Variants in PPP1R8 observed in about 807,000 individuals in gnomAD.
PPP1R8 encodes the protein nuclear inhibitor of protein phosphatase 1.
A neutral mutation model predicts 31.3 loss-of-function variants in PPP1R8; 4 were observed. That is an observed-to-expected ratio of 0.13 (90% confidence interval 0.06 to 0.29). PPP1R8 has a LOEUF of 0.29. Among genes scored for constraint, PPP1R8 ranks in the 10% least tolerant of loss-of-function variants. The probability of loss-of-function intolerance (pLI) is 1.00; values close to 1 mark genes in which losing one functional copy is unlikely to be tolerated. For synonymous variants in PPP1R8, 170 were observed against 169.7 expected, an observed-to-expected ratio of 1.00 and a Z score of -0.01; for missense variants, 254 against 440.1, an observed-to-expected ratio of 0.58 and a Z score of 3.78.
At chr1:27,836,790 G>C (rs2089170805) in intron 2 of PPP1R8, among the ~76,000 whole-genome samples, 2 of 152,058 alleles carry the variant, frequency 1.3e-5, no homozygotes, top group Admixed American at 6.5e-5. Context: ...CCAGCACTTT[G>C]GGAGGTTGAG....
At position 27,846,901 on chromosome 1, in the gene PPP1R8, A is replaced by G. The variant is rs546051356; in HGVS notation, c.638-127A>G. On this transcript the variant is annotated intron_variant, in intron 5 of 6. Coordinates refer to ENST00000311772, the MANE Select transcript of PPP1R8 (RefSeq NM_014110.5). ...GGATTTAGCACAATGCCCAGCACCCAGGAAGCACTCTCTGTGTTTTACAAT... is the reference window on the plus strand; with the variant it reads ...GGATTTAGCACAATGCCCAGCACCCGGGAAGCACTCTCTGTGTTTTACAAT... 7 of 773,522 alleles carry G rather than the reference A, an allele frequency of 9.0e-6. No homozygotes were observed. In the African/African-American group the frequency reaches 1.2e-4, roughly 13 times the overall value. 47.9% of individuals were successfully genotyped at this position (773,522 alleles called of 1,614,324 possible).
At position 27,841,040 on chromosome 1, in the gene PPP1R8, C is replaced by T; in HGVS notation, c.298C>T (p.Arg100Trp). 1.2e-6 allele frequency: 2 copies of T among 1,614,118 alleles called. No homozygotes were observed. The highest frequency in any genetic ancestry group is 1.7e-6 in the Non-Finnish European group (2 of 1,180,034). The change falls in exon 4 of 7, where the codon CGG becomes TGG. Residue 100 changes from arginine to tryptophan, a missense_variant. By Grantham distance (101) the Arg-to-Trp change is moderately radical. Transcript: ENST00000311772. ...STHGTFLGHI[R>W]LEPHKPQQIP... ...ACACGGCACTTTCTTGGGTCACATT[C>T]GGTTGGAACCTCACAAGCCTCAGCA...
Position 27,838,751 on chromosome 1 carries a change from T to C in PPP1R8, c.170T>C (p.Leu57Ser). 6.2e-7 allele frequency: 1 copy of C among 1,608,092 alleles called. No individual in the cohort carries two copies. The highest frequency in any genetic ancestry group is 8.5e-7 in the Non-Finnish European group (1 of 1,175,640). Residue 57 changes from leucine to serine, a missense_variant, in exon 3 of 7, where the codon TTG becomes TCG. This residue lies in a region of PPP1R8 where 52 missense variants were observed against 145.3 expected (regional missense o/e 0.36). Coordinates refer to ENST00000311772, the MANE Select transcript of PPP1R8 (RefSeq NM_014110.5). ...KYYLFGRNPD[L>S]CDFTIDHQSC... is the part of the protein sequence containing the mutation. ...TACTTATTTGGGAGAAACCCTGATT[T>C]GTGTGACTTTACCATTGACCACCAG...
intron 6 of PPP1R8, among the ~76,000 whole-genome samples, chr1:27,849,719 T>C (rs1027318386): frequency 3.3e-5 from 5 of 152,080 alleles, no homozygotes; most frequent in Non-Finnish European, 4.4e-5. Context: ...AAACTCCTGA[T>C]CTCATGTGTT....
intron 6 of PPP1R8, among the ~76,000 whole-genome samples, chr1:27,848,985 G>A (rs767573686): frequency 1.1e-4 from 17 of 152,114 alleles, no homozygotes; most frequent in Non-Finnish European, 1.9e-4. Context: ...AAGTTGCCTC[G>A]TAGCCCTTTG....
intron 2 of PPP1R8, among the ~76,000 whole-genome samples, chr1:27,834,957 G>T (rs1343668673): frequency 6.6e-6 from 1 of 152,164 alleles, no homozygotes; most frequent in Non-Finnish European, 1.5e-5. Flanking sequence ...GGCAGAGTTT[G>T]CAGTGAGTGG....
At chr1:27,837,740 AC>A (rs1233399881) in intron 2 of PPP1R8, among the ~76,000 whole-genome samples, 1 of 148,830 alleles carries the variant, frequency 6.7e-6, no homozygotes, top group Non-Finnish European at 1.5e-5. Context: ...GCACCACTGC[AC>A]TCCAGACTGG....
chr1:27,831,440 T>G, intron 1 of PPP1R8: 1 of 839,184 alleles, frequency 1.2e-6, no homozygotes, highest in Non-Finnish European at 1.4e-6. Context: ...ATGGTTGGCA[T>G]GAACCCTTTT....
At chr1:27,830,912 G>C in intron 1 of PPP1R8, 21 bp downstream of exon 1, 1 of 1,551,802 alleles carries the variant, frequency 6.4e-7, no homozygotes, top group Non-Finnish European at 8.7e-7. Context: ...GGGCGGCCAG[G>C]GCTAGAGTGG....
intron 2 of PPP1R8, among the ~76,000 whole-genome samples, chr1:27,835,648 C>T (rs1434338979): frequency 6.6e-6 from 1 of 152,170 alleles, no homozygotes; most frequent in Non-Finnish European, 1.5e-5. Context: ...AAGAGTGTGA[C>T]CCACAGTACT....
chr1:27,846,482 C>T (rs774720008), intron 5 of PPP1R8, among the ~76,000 whole-genome samples: 3 of 152,238 alleles, frequency 2.0e-5, no homozygotes, highest in South Asian at 2.1e-4. Context: ...CAGTTCAGGC[C>T]GTTCAAGTCA....
chr1:27,843,197 G>A lies in PPP1R8; in HGVS notation c.504G>A (p.Glu168=), dbSNP rs758618072. ...EEETELDNLT[E]FNTAHNKRIS... Reference sequence around the variant, plus strand: ...GAACCCTGGCTTAGAACCTGACAGAGTTCAACACTGCCCACAACAAGCGGA... The same window carrying A: ...GAACCCTGGCTTAGAACCTGACAGAATTCAACACTGCCCACAACAAGCGGA... The change falls in exon 5 of 7, where the codon GAG becomes GAA. Residue 168 remains glutamate, a synonymous_variant. Transcript: ENST00000311772. 2.5e-6 allele frequency: 4 copies of A among 1,614,120 alleles called. No homozygotes were observed. The Admixed American group carries it at 5.0e-5, about 20-fold the overall frequency.
At chr1:27,843,666 T>C (rs529107920) in intron 5 of PPP1R8, among the ~76,000 whole-genome samples, 1 of 149,128 alleles carries the variant, frequency 6.7e-6, no homozygotes, top group Non-Finnish European at 1.5e-5. Flanking sequence ...GAAAAAGCTG[T>C]GGTTGGTCAG....
At chr1:27,834,939 A>AC (rs758804150) in intron 2 of PPP1R8, among the ~76,000 whole-genome samples, 6 of 151,964 alleles carry the variant, frequency 3.9e-5, no homozygotes, top group Non-Finnish European at 7.4e-5. Flanking sequence ...AATCGCTTGA[A>AC]CCCAGGAGGC....
At chr1:27,845,425 C>T (rs372735427) in intron 5 of PPP1R8, among the ~76,000 whole-genome samples, 1 of 151,670 alleles carries the variant, frequency 6.6e-6, no homozygotes. Flanking sequence ...TTAGTGCCCT[C>T]GAGCTTTCTT....
At position 27,830,867 on chromosome 1, in the gene PPP1R8, T is replaced by G. The variant is rs1373909513; in HGVS notation, c.32T>G (p.Leu11Arg). 5 of 1,573,556 alleles carry G rather than the reference T, an allele frequency of 3.2e-6. No homozygotes were observed. Among genetic ancestry groups the G allele is most frequent in the African/African-American group, 1.4e-5 (1 of 73,940 alleles). Residue 11 changes from leucine (L) to arginine (R), a missense_variant, in exon 1 of 7, where the codon CTC becomes CGC. Coordinates refer to ENST00000311772, the MANE Select transcript of PPP1R8 (RefSeq NM_014110.5). ...GCAGCCGCGAACTCCGGCTCTAGCCTCCCGCTGTTCGACTGCCCAACCTGG... is the reference window on the plus strand; with the variant it reads ...GCAGCCGCGAACTCCGGCTCTAGCCGCCCGCTGTTCGACTGCCCAACCTGG... Reference protein sequence around the residue: MAAAANSGSSLPLFDCPTWAG... With the variant: MAAAANSGSSRPLFDCPTWAG...
chr1:27,841,001 T>C lies in PPP1R8; in HGVS notation c.272-13T>C. ...TGTTTTCCCCCTTACGTTTCTGATT[T>C]GGTTATTCCCAGCACACGGCACTTT... On this transcript the variant is annotated splice_polypyrimidine_tract_variant and intron_variant, in intron 3 of 6. Transcript: ENST00000311772. 1.2e-6 allele frequency: 2 copies of C among 1,613,344 alleles called. No individual in the cohort carries two copies. Among genetic ancestry groups the C allele is most frequent in the Non-Finnish European group, 1.7e-6 (2 of 1,179,516 alleles).
chr1:27,845,307 G>A (rs1181443799), intron 5 of PPP1R8, among the ~76,000 whole-genome samples: 5 of 150,726 alleles, frequency 3.3e-5, no homozygotes, highest in Non-Finnish European at 7.4e-5. Flanking sequence ...GGAGAATGGC[G>A]TGAACCCAGG....
At chr1:27,849,184 C>T (rs1255653363) in intron 6 of PPP1R8, among the ~76,000 whole-genome samples, 1 of 152,036 alleles carries the variant, frequency 6.6e-6, no homozygotes, top group African/African-American at 2.4e-5. Context: ...CCAGCCTGAC[C>T]AACATGGAGA....
Sources: allele counts gnomAD v4.1 joint callset (sites outside exome capture counted in the v4.1 genomes callset), GRCh38; gene constraint gnomAD v4.1.1; regional missense constraint gnomAD v4.1.1; transcripts MANE v1.5; gene names NCBI Gene and HGNC (gene_info 2026-07-23, HGNC 2026-07-21).